Variants in C6 observed in about 807,000 individuals in gnomAD.
The protein encoded by C6 is complement C6.
In C6, 101 loss-of-function variants were observed where a neutral mutation model predicts 112.9. That is an observed-to-expected ratio of 0.89 (90% CI 0.76 to 1.06). The LOEUF (loss-of-function observed/expected upper bound fraction) is 1.06, where lower values mean the gene tolerates loss of function less well. Among genes scored for constraint, C6 ranks in the 50% least tolerant of loss-of-function variants. The pLI, the probability that C6 is intolerant of heterozygous loss-of-function variation, is 0.00. For synonymous variants in C6, 431 were observed against 384.1 expected, an observed-to-expected ratio of 1.12 and a Z score of -1.43; for missense variants, 1,202 against 1,104.6, an observed-to-expected ratio of 1.09 and a Z score of -1.25.
At chr5:41,234,283 C>A (rs1007495307) in intron 1 of C6, among the ~76,000 whole-genome samples, 7 of 150,562 alleles carry the variant, frequency 4.6e-5, no homozygotes, top group Non-Finnish European at 1.0e-4. Context: ...CAATAATGTT[C>A]ATGGGAAAAT....
Position 41,246,648 on chromosome 5 carries a change from C to A in C6, c.-21+14546G>T, listed in dbSNP as rs545188218. Among the ~76,000 whole-genome samples, 15 of 152,244 alleles carry A rather than the reference C, an allele frequency of 9.9e-5. No homozygotes were observed. In the East Asian group the frequency reaches 2.7e-3, roughly 27 times the overall value. On this transcript the variant is annotated intron_variant, in intron 1 of 17. Transcript: ENST00000263413. The stretch of plus-strand genomic sequence containing the variant: ...AGATGCTGTGGGCCCATAAACCAGT[C>A]CAGGGCAGTCTAACTCTAGGCTGTT...
At chr5:41,261,153 C>T in intron 1 of C6, 1 of 978,796 alleles carries the variant, frequency 1.0e-6, no homozygotes, top group South Asian at 4.7e-5. Context: ...ATATGCATGC[C>T]CACCAATTAA....
At chr5:41,252,062 T>G (rs1741396161) in intron 1 of C6, among the ~76,000 whole-genome samples, 1 of 152,208 alleles carries the variant, frequency 6.6e-6, no homozygotes, top group African/African-American at 2.4e-5. Context: ...TGTACACAGA[T>G]TTGTTAAGGT....
intron 5 of C6, among the ~76,000 whole-genome samples, chr5:41,190,703 A>G (rs1750128969): frequency 6.6e-6 from 1 of 152,172 alleles, no homozygotes; most frequent in Non-Finnish European, 1.5e-5. Flanking sequence ...GTTTTCCCCT[A>G]CATTTTTCTC....
intron 1 of C6, among the ~76,000 whole-genome samples, chr5:41,212,106 T>C (rs1751979952): frequency 6.6e-6 from 1 of 152,180 alleles, no homozygotes; most frequent in Admixed American, 6.5e-5. Context: ...AGCTTTTCTT[T>C]TTTAATATTC....
chr5:41,253,296 G>A (rs1482909479), intron 1 of C6, among the ~76,000 whole-genome samples: 2 of 152,054 alleles, frequency 1.3e-5, no homozygotes, highest in Non-Finnish European at 2.9e-5. Context: ...TCTTTGCTGG[G>A]CCTCAGGTGG....
chr5:41,150,029 A>G lies in C6; in HGVS notation c.2291-4T>C. ...CCTTTTAATTTTGTTAGAGTATCTGAAACAAAAGAAAAAAGGAGAAAAGAA... is the reference window on the plus strand; with the variant it reads ...CCTTTTAATTTTGTTAGAGTATCTGGAACAAAAGAAAAAAGGAGAAAAGAA... On this transcript the variant is annotated splice_polypyrimidine_tract_variant and splice_region_variant and intron_variant, in intron 15 of 17. Transcript: ENST00000337836. The G allele has an allele frequency of 6.3e-7, 1 of 1,589,694 alleles. No individual in the cohort carries two copies. Among genetic ancestry groups the G allele is most frequent in the Non-Finnish European group, 8.6e-7 (1 of 1,157,994 alleles).
chr5:41,175,790 G>T (rs1434937414), intron 8 of C6, among the ~76,000 whole-genome samples: 1 of 152,176 alleles, frequency 6.6e-6, no homozygotes, highest in African/African-American at 2.4e-5. Flanking sequence ...GATACTATTT[G>T]CAGTAGCAGA....
intron 1 of C6, among the ~76,000 whole-genome samples, chr5:41,234,906 T>G (rs1899949): frequency 0.56 from 85,018 of 151,864 alleles, 25,325 homozygotes; most frequent in South Asian, 0.67. Flanking sequence ...AATTCCTTAC[T>G]AATGAGACTT....
intron 1 of C6, among the ~76,000 whole-genome samples, chr5:41,231,891 G>GTT (rs67401374): frequency 3.4e-4 from 50 of 148,548 alleles, no homozygotes; most frequent in East Asian, 3.2e-3. Context: ...CTTTAATACA[G>GTT]TTTTTTTTTT....
At chr5:41,208,988 C>T (rs992757888) in intron 1 of C6, among the ~76,000 whole-genome samples, 7 of 152,162 alleles carry the variant, frequency 4.6e-5, no homozygotes. Flanking sequence ...TACTGGCAAA[C>T]TGAATCCAGC....
At chr5:41,145,280 T>G (rs1275002108) in intron 17 of C6, among the ~76,000 whole-genome samples, 2 of 152,240 alleles carry the variant, frequency 1.3e-5, no homozygotes, top group Non-Finnish European at 1.5e-5. Context: ...CATTTTTGTA[T>G]ACATTCTTAT....
At chr5:41,164,479 AGG>A (rs1747814591) in intron 9 of C6, among the ~76,000 whole-genome samples, 1 of 152,150 alleles carries the variant, frequency 6.6e-6, no homozygotes, top group Non-Finnish European at 1.5e-5. Flanking sequence ...AGGTCCAGGG[AGG>A]GGGAAGAACA....
chr5:41,185,878 G>C (rs1296601471), intron 6 of C6, among the ~76,000 whole-genome samples, 192 bp downstream of exon 6: 1 of 152,164 alleles, frequency 6.6e-6, no homozygotes, highest in African/African-American at 2.4e-5. Context: ...AGTTACCTTA[G>C]TTTTTTCATC....
chr5:41,254,129 T>C (rs1481314756), intron 1 of C6, among the ~76,000 whole-genome samples: 3 of 152,184 alleles, frequency 2.0e-5, no homozygotes, highest in Non-Finnish European at 4.4e-5. Context: ...TGGCCAGGCA[T>C]GGTGGCTCAC....
intron 1 of C6, among the ~76,000 whole-genome samples, chr5:41,230,220 T>A (rs1187961895): frequency 2.0e-5 from 3 of 152,050 alleles, no homozygotes; most frequent in Non-Finnish European, 4.4e-5. Flanking sequence ...AAGAACAGCA[T>A]AACAGGGAAG....
In C6 at chr5:41,142,855, T is replaced by G. The variant is rs962464460; in HGVS notation, c.2775A>C (p.Glu925Asp). ...CCAAACACTTTCCAGGATGCAGTAT[T>G]TCCATCTTCCTGTTTGCACATCTTA... is the stretch of plus-strand genomic sequence containing the variant. ...GTIRCANRKM[E>D]ILHPGKCLA The change falls in exon 18 of 18, where the codon GAA becomes GAC. Residue 925 changes from glutamate to aspartate, a missense_variant. By Grantham distance (45) the Glu-to-Asp change is conservative. Coordinates refer to ENST00000337836, the MANE Select transcript of C6 (RefSeq NM_000065.5). 7.4e-6 allele frequency: 12 copies of G among 1,613,486 alleles called. No individual in the cohort carries two copies. In the Admixed American group the frequency reaches 1.3e-4, roughly 18 times the overall value.
At chr5:41,176,802 G>A (rs1748896446) in intron 7 of C6, 87 bp from the exon 8 acceptor site, 2 of 1,202,378 alleles carry the variant, frequency 1.7e-6, no homozygotes, top group South Asian at 2.6e-5. Flanking sequence ...TTTATCATTA[G>A]TTTCATTCCC....
At position 41,160,216 on chromosome 5, in the gene C6, G is replaced by C. The variant is rs1475879811; in HGVS notation, c.1610C>G (p.Thr537Ser). The change falls in exon 11 of 18, where the codon ACT (threonine) becomes AGT (serine). Residue 537 changes from threonine (T) to serine (S), a missense_variant. Physicochemically the swap from Thr to Ser is moderately conservative, Grantham distance 58. Coordinates refer to ENST00000337836, the MANE Select transcript of C6 (RefSeq NM_000065.5). The stretch of plus-strand genomic sequence containing the variant: ...ACTCTGACACACACACAGACATTCA[G>C]TCCCTGAGAGGGTGGGTCGGCCATT... Reference protein sequence around the residue: ...PNNGRPTLSGTECLCVCQSGT... With the variant: ...PNNGRPTLSGSECLCVCQSGT... 6.2e-7 allele frequency: 1 copy of C among 1,613,866 alleles called. No individual in the cohort carries two copies. Among genetic ancestry groups the C allele is most frequent in the Non-Finnish European group, 8.5e-7 (1 of 1,179,842 alleles).
Sources: allele counts gnomAD v4.1 joint callset (sites outside exome capture counted in the v4.1 genomes callset), GRCh38; gene constraint gnomAD v4.1.1; transcripts MANE v1.5; gene names NCBI Gene and HGNC (gene_info 2026-07-23, HGNC 2026-07-21).